SUDS3: variants seen among roughly 807,000 people sequenced by gnomAD.
The protein encoded by SUDS3 is SIN3A corepressor complex component SDS3.
In SUDS3, 23 loss-of-function variants were observed where a neutral mutation model predicts 53.5. That is an observed-to-expected ratio of 0.43 (90% CI 0.31 to 0.61). SUDS3 has a LOEUF of 0.61. SUDS3 is among the 20% of genes least tolerant of loss of function. SUDS3 has a pLI of 0.10. For missense variants in SUDS3, 291 were observed against 405.9 expected (o/e 0.72, Z 2.43); for synonymous variants, 150 against 148.5 (o/e 1.01, Z -0.08).
chr12:118,408,359 A>G lies in SUDS3; in HGVS notation c.804-2714A>G, dbSNP rs2088703. On this transcript the variant is annotated intron_variant, in intron 10 of 11. Coordinates refer to ENST00000543473, the MANE Select transcript of SUDS3 (RefSeq NM_022491.3). The stretch of plus-strand genomic sequence containing the variant: ...AGTTTTTTTTTTTTTTTTGAGACAG[A>G]GTCTCGTTCTTCCAGCCAGGCTGGA... 6.5e-3 allele frequency among the ~76,000 whole-genome samples: 964 copies of G among 147,488 alleles called. 12 individuals carry two copies. Among genetic ancestry groups the G allele is most frequent in the African/African-American group, 0.023 (908 of 39,816 alleles).
chr12:118,376,709 G>T lies in SUDS3; in HGVS notation c.18G>T (p.Leu6=). 2 of 1,517,686 alleles carry T rather than the reference G, an allele frequency of 1.3e-6. No homozygotes were observed. The highest frequency in any genetic ancestry group is 1.2e-5 in the South Asian group (1 of 81,682). 94.0% of individuals were successfully genotyped at this position (1,517,686 alleles called of 1,614,324 possible). A position where few individuals can be genotyped will look rare whatever the true frequency, so the allele number is the denominator to read the frequency against. The change falls in exon 1 of 12, where the codon CTG becomes CTT. Residue 6 remains leucine, a synonymous_variant. Transcript: ENST00000543473. MSAAG[L]LAPAPAQAGA... ...GAGGCGACATGAGTGCCGCGGGGCT[G>T]CTGGCCCCGGCCCCGGCCCAGGCTG...
At chr12:118,404,958 T>C (rs1473182075) in intron 10 of SUDS3, among the ~76,000 whole-genome samples, 1 of 152,182 alleles carries the variant, frequency 6.6e-6, no homozygotes, top group Non-Finnish European at 1.5e-5. Context: ...TTGCAGTGAG[T>C]TAATTGCCCA....
At chr12:118,393,055 C>T (rs2046181997) in intron 6 of SUDS3, among the ~76,000 whole-genome samples, 1 of 152,198 alleles carries the variant, frequency 6.6e-6, no homozygotes, top group African/African-American at 2.4e-5. Context: ...TATGGATGTC[C>T]TTCCTCAGGG....
In SUDS3 at chr12:118,398,169, C is replaced by T. The variant is rs185256816; in HGVS notation, c.518-2490C>T. Among the ~76,000 whole-genome samples, 427 of 152,288 alleles carry T rather than the reference C, an allele frequency of 2.8e-3. 3 individuals carry two copies. The highest frequency in any genetic ancestry group is 0.027 in the Middle Eastern group (8 of 292). On this transcript the variant is annotated intron_variant, in intron 6 of 11. Transcript: ENST00000543473. The stretch of plus-strand genomic sequence containing the variant: ...TAAAAACTAGCATTGATAGAACTCC[C>T]GTTACGCCAGGCACTGTGCTAAGAT...
intron 10 of SUDS3, among the ~76,000 whole-genome samples, chr12:118,407,224 G>A (rs940078357): frequency 6.6e-6 from 1 of 152,130 alleles, no homozygotes; most frequent in African/African-American, 2.4e-5. Flanking sequence ...TCTTTTCAGA[G>A]AATTCAAATA....
rs752970441 is a variant in SUDS3, at chr12:118,415,465, G to C, written c.*1032G>C. 26 of 152,262 alleles carry C rather than the reference G, an allele frequency of 1.7e-4. No individual in the cohort carries two copies. The highest frequency in any genetic ancestry group is 8.5e-4 in the Admixed American group (13 of 15,286). 9.4% of individuals were successfully genotyped at this position (152,262 alleles called of 1,614,324 possible). On this transcript the variant is annotated 3_prime_UTR_variant, in exon 12 of 12. Transcript: ENST00000543473. ...ACAGCTTCATTTGGCCCAGGTTGAA[G>C]ACAAGGAAAGCTCTGCTGTGGCTGC...
Position 118,417,826 on chromosome 12 carries a change from A to G in SUDS3, c.*3393A>G, listed in dbSNP as rs904825461. The stretch of plus-strand genomic sequence containing the variant: ...GGGGAAAGGAAGTTAGGGCAGAGGA[A>G]GGGATATTCTAGACATTTAATTCTT... On this transcript the variant is annotated 3_prime_UTR_variant, in exon 12 of 12. Coordinates refer to ENST00000543473, the MANE Select transcript of SUDS3 (RefSeq NM_022491.3). 2 of 152,182 alleles carry G rather than the reference A, an allele frequency of 1.3e-5. No individual in the cohort carries two copies. Among genetic ancestry groups the G allele is most frequent in the Non-Finnish European group, 2.9e-5 (2 of 68,048 alleles). The allele number at this position is 152,182 out of a possible 1,614,324, so 9.4% of individuals were successfully genotyped here.
intron 6 of SUDS3, 117 bp from the exon 7 acceptor site, chr12:118,400,542 C>A (rs1193193445): frequency 6.6e-6 from 6 of 904,604 alleles, no homozygotes; most frequent in African/African-American, 6.6e-5. Flanking sequence ...AGAACAAACA[C>A]CCCCAGTAAA....
chr12:118,401,684 T>C (rs2046263854), intron 7 of SUDS3, 75 bp from the exon 8 acceptor site: 1 of 1,204,558 alleles, frequency 8.3e-7, no homozygotes, highest in South Asian at 1.3e-5. Flanking sequence ...AATTCTAAAA[T>C]ACTGGTACCA....
chr12:118,379,632 A>G (rs2046035610), intron 1 of SUDS3, among the ~76,000 whole-genome samples: 1 of 152,212 alleles, frequency 6.6e-6, no homozygotes, highest in Non-Finnish European at 1.5e-5. Flanking sequence ...GTATCAGAAG[A>G]GAATGTACAT....
chr12:118,381,806 A>G (rs1175443395), intron 2 of SUDS3, among the ~76,000 whole-genome samples: 2 of 152,210 alleles, frequency 1.3e-5, no homozygotes, highest in African/African-American at 4.8e-5. Flanking sequence ...AACCTCACTC[A>G]CTTTTAGCGT....
intron 11 of SUDS3, among the ~76,000 whole-genome samples, chr12:118,411,732 A>G (rs1438895157): frequency 1.3e-5 from 2 of 150,938 alleles, no homozygotes; most frequent in Non-Finnish European, 3.0e-5. Context: ...TGAACTCCTG[A>G]CCCCGTGGTC....
At position 118,403,289 on chromosome 12, in the gene SUDS3, C is replaced by T. The variant is rs540697770; in HGVS notation, c.698-123C>T. ...GTTTTGCTGAAATCCCATGCATTAT[C>T]ACTGTAAGGGCTCAGTGATGATTAT... On this transcript the variant is annotated intron_variant, in intron 9 of 11. Transcript: ENST00000543473. The T allele has an allele frequency of 4.7e-5, 36 of 765,502 alleles. No individual in the cohort carries two copies. The South Asian group carries it at 5.8e-4, about 12-fold the overall frequency. 47.4% of individuals were successfully genotyped at this position (765,502 alleles called of 1,614,324 possible). A position where few individuals can be genotyped will look rare whatever the true frequency, so the allele number is the denominator to read the frequency against.
At chr12:118,406,707 T>TA (rs146517978) in intron 10 of SUDS3, among the ~76,000 whole-genome samples, 45,125 of 148,136 alleles carry the variant, frequency 0.3, 6,871 homozygotes, top group Middle Eastern at 0.41. Flanking sequence ...TTAATTGGCC[T>TA]AAAAAAAAAA....
At chr12:118,402,661 TG>T (rs2046273455) in intron 9 of SUDS3, 1 of 152,284 alleles carries the variant, frequency 6.6e-6, no homozygotes, top group South Asian at 2.1e-4. Context: ...AATATCTTCC[TG>T]GGGGCCACTG....
chr12:118,406,658 A>G (rs760452874), intron 10 of SUDS3, among the ~76,000 whole-genome samples: 1 of 152,006 alleles, frequency 6.6e-6, no homozygotes, highest in Non-Finnish European at 1.5e-5. Context: ...CTATTTAAAT[A>G]TCTTTTTTCA....
intron 11 of SUDS3, 149 bp downstream of exon 11, chr12:118,411,306 C>G: frequency 1.5e-6 from 1 of 687,860 alleles, no homozygotes; most frequent in Admixed American, 2.6e-5. Context: ...GCAGAAATTG[C>G]ACATTGTCAA....
intron 7 of SUDS3, 58 bp downstream of exon 7, chr12:118,400,812 GTT>G: frequency 6.6e-7 from 1 of 1,507,280 alleles, no homozygotes; most frequent in Non-Finnish European, 9.2e-7. Flanking sequence ...GGAATCCTAT[GTT>G]TATCCGTTTG....
Position 118,400,731 on chromosome 12 carries a change from A to G in SUDS3, c.590A>G (p.Asp197Gly), listed in dbSNP as rs1422281395. 3 of 1,613,852 alleles carry G rather than the reference A, an allele frequency of 1.9e-6. No homozygotes were observed. The highest frequency in any genetic ancestry group is 1.3e-5 in the African/African-American group (1 of 74,912). Residue 197 changes from aspartate to glycine, a missense_variant, in exon 7 of 12, where the codon GAC becomes GGC. By Grantham distance (94) the Asp-to-Gly change is moderately conservative. Transcript: ENST00000543473. ...CCAAATGATCCCGTCCCCATCCCAG[A>G]CAAGAGGAGGAAACCTGCTCCAGAT... ...RRPNDPVPIPDKRRKPAPAQL... is the reference protein window; with the variant it reads ...RRPNDPVPIPGKRRKPAPAQL...
Sources: gnomAD v4.1 joint callset for allele counts (sites outside exome capture counted in the v4.1 genomes callset) on GRCh38, gnomAD v4.1.1 for gene constraint, MANE v1.5 for transcripts, NCBI Gene and HGNC (gene_info 2026-07-23, HGNC 2026-07-21) for gene names.